SLC7A14: variants seen among roughly 807,000 people sequenced by gnomAD.
SLC7A14 encodes solute carrier family 7 member 14.
Under a neutral mutation model 60.2 loss-of-function variants are expected in SLC7A14, and 37 were observed. The ratio of observed to expected loss-of-function variants is 0.61; its 90% CI spans 0.47 to 0.81. SLC7A14 has a LOEUF of 0.81. Among genes scored for constraint, SLC7A14 ranks in the 30% least tolerant of loss-of-function variants. The pLI is 0.00. For missense variants in SLC7A14, 886 were observed against 982.7 expected (o/e 0.90, Z 1.32); for synonymous variants, 399 against 395.8 (o/e 1.01, Z -0.10).
intron 1 of SLC7A14, among the ~76,000 whole-genome samples, chr3:170,578,296 G>A (rs1186739433): frequency 2.0e-5 from 3 of 152,210 alleles, no homozygotes; most frequent in African/African-American, 4.8e-5. Flanking sequence ...AATTGCAAAA[G>A]CACAAGAGCC....
chr3:170,475,733 GAC>G (rs1435855498), intron 7 of SLC7A14, among the ~76,000 whole-genome samples: 1 of 151,570 alleles, frequency 6.6e-6, no homozygotes, highest in Non-Finnish European at 1.5e-5. Flanking sequence ...TTTTTTTTGA[GAC>G]AGAGTCTTGC....
intron 2 of SLC7A14, among the ~76,000 whole-genome samples, chr3:170,501,656 T>A (rs1332348512): frequency 2.6e-5 from 4 of 152,200 alleles, no homozygotes; most frequent in Non-Finnish European, 5.9e-5. Flanking sequence ...ATATCCTGTG[T>A]GAACATGGGC....
intron 2 of SLC7A14, among the ~76,000 whole-genome samples, chr3:170,523,510 T>G (rs1221431784): frequency 1.3e-5 from 2 of 152,214 alleles, no homozygotes; most frequent in Non-Finnish European, 2.9e-5. Flanking sequence ...CAGCACAGTT[T>G]AGTCTTCCTT....
chr3:170,527,316 G>A (rs1713544083), intron 1 of SLC7A14, among the ~76,000 whole-genome samples: 1 of 152,200 alleles, frequency 6.6e-6, no homozygotes, highest in Non-Finnish European at 1.5e-5. Flanking sequence ...GATGGTCTGA[G>A]TTAGAGCTCT....
intron 7 of SLC7A14, among the ~76,000 whole-genome samples, chr3:170,467,672 G>C (rs748558182): frequency 6.6e-6 from 1 of 152,152 alleles, no homozygotes; most frequent in Non-Finnish European, 1.5e-5. Context: ...CTGGTGTTGA[G>C]AACTGGCTGC....
intron 1 of SLC7A14, among the ~76,000 whole-genome samples, chr3:170,568,311 A>G (rs930405621): frequency 7.2e-5 from 11 of 152,156 alleles, no homozygotes; most frequent in Non-Finnish European, 1.3e-4. Context: ...CAAAGATCAG[A>G]TAGTTGTAGA....
chr3:170,503,505 A>T (rs1712676728), intron 2 of SLC7A14, among the ~76,000 whole-genome samples: 1 of 152,184 alleles, frequency 6.6e-6, no homozygotes, highest in African/African-American at 2.4e-5. Flanking sequence ...GTGATGTGTG[A>T]GGAAGGAAGT....
intron 1 of SLC7A14, among the ~76,000 whole-genome samples, chr3:170,529,842 A>G (rs1713620386): frequency 6.6e-6 from 1 of 152,214 alleles, no homozygotes; most frequent in African/African-American, 2.4e-5. Flanking sequence ...AGTCACACAC[A>G]CAGGGAGAAC....
At chr3:170,573,826 C>T (rs1345410) in intron 1 of SLC7A14, among the ~76,000 whole-genome samples, 19,259 of 152,180 alleles carry the variant, frequency 0.13, 1,566 homozygotes, top group East Asian at 0.25. Context: ...GTCTGTCCCA[C>T]TCCATTAATC....
intron 2 of SLC7A14, among the ~76,000 whole-genome samples, chr3:170,526,071 T>A (rs564047275): frequency 3.5e-4 from 45 of 130,064 alleles, no homozygotes; most frequent in African/African-American, 1.2e-3. Context: ...AGCAAGACTC[T>A]GTTTAAAAAA....
At chr3:170,558,403 C>T (rs574715874) in intron 1 of SLC7A14, among the ~76,000 whole-genome samples, 1 of 152,128 alleles carries the variant, frequency 6.6e-6, no homozygotes, top group Admixed American at 6.6e-5. Flanking sequence ...AACAAACAAA[C>T]AAATAAATAA....
chr3:170,476,157 CG>C (rs1711604843), intron 7 of SLC7A14, among the ~76,000 whole-genome samples: 1 of 152,186 alleles, frequency 6.6e-6, no homozygotes, highest in African/African-American at 2.4e-5. Flanking sequence ...CCTCAATACT[CG>C]GCCACCAGAC....
intron 2 of SLC7A14, among the ~76,000 whole-genome samples, chr3:170,509,917 A>C (rs1338800275): frequency 6.6e-6 from 1 of 151,692 alleles, no homozygotes; most frequent in Non-Finnish European, 1.5e-5. Context: ...TGTCTCTATT[A>C]AAAATACAAA....
chr3:170,566,266 C>T (rs1287011691), intron 1 of SLC7A14, among the ~76,000 whole-genome samples: 1 of 152,142 alleles, frequency 6.6e-6, no homozygotes, highest in Non-Finnish European at 1.5e-5. Flanking sequence ...CTCATTTCTG[C>T]TAACCCTTTT....
At chr3:170,515,919 C>G (rs1266273136) in intron 2 of SLC7A14, among the ~76,000 whole-genome samples, 2 of 152,096 alleles carry the variant, frequency 1.3e-5, no homozygotes, top group East Asian at 3.9e-4. Flanking sequence ...TGATATCAAG[C>G]CCTTTGTCTC....
chr3:170,483,503 AG>A lies in SLC7A14; in HGVS notation c.925del (p.Leu309Ter). 1 of 1,614,240 alleles carries A rather than the reference AG, an allele frequency of 6.2e-7. No individual in the cohort carries two copies. Among genetic ancestry groups the A allele is most frequent in the South Asian group, 1.1e-5 (1 of 91,090 alleles). ...GTCAATGGTATAATATGGCACCATC[AG>A]AGTTAAGATCACGCTCACCTGTTAA... ...AYVSVSVILT[L>X]MVPYYTIDTE... On this transcript the variant is annotated frameshift_variant, in exon 6 of 8. Transcript: ENST00000231706. LOFTEE classifies it high-confidence loss of function.
At chr3:170,522,593 G>A (rs1337919758) in intron 2 of SLC7A14, among the ~76,000 whole-genome samples, 2 of 152,182 alleles carry the variant, frequency 1.3e-5, no homozygotes, top group East Asian at 1.9e-4. Flanking sequence ...AGGGCAAACC[G>A]ATAGGGACTG....
intron 1 of SLC7A14, among the ~76,000 whole-genome samples, chr3:170,553,813 A>G (rs1714414042): frequency 6.6e-6 from 1 of 151,630 alleles, no homozygotes; most frequent in Non-Finnish European, 1.5e-5. Flanking sequence ...AAATGCTCCC[A>G]TTGCAGCTCT....
intron 1 of SLC7A14, among the ~76,000 whole-genome samples, chr3:170,583,020 A>G (rs143846306): frequency 5.9e-5 from 9 of 152,368 alleles, no homozygotes; most frequent in African/African-American, 1.9e-4. Context: ...ATAGTGCCTC[A>G]CATATGATAA....
Sources: allele counts gnomAD v4.1 joint callset (sites outside exome capture counted in the v4.1 genomes callset), GRCh38; gene constraint gnomAD v4.1.1; transcripts MANE v1.5; gene names NCBI Gene and HGNC (gene_info 2026-07-23, HGNC 2026-07-21).